Variants in PLEKHA6 observed in about 807,000 individuals in gnomAD.
PLEKHA6 encodes pleckstrin homology domain containing A6.
PLEKHA6 carries 60 observed loss-of-function variants against 116.7 expected under a neutral mutation model. The ratio of observed to expected loss-of-function variants is 0.51; its 90% CI spans 0.42 to 0.64. PLEKHA6 has a LOEUF of 0.64. PLEKHA6 is among the 30% of genes least tolerant of loss of function. PLEKHA6 has a pLI of 0.00. For missense variants in PLEKHA6, 1,338 were observed against 1,422.7 expected, an observed-to-expected ratio of 0.94 and a Z score of 0.96; for synonymous variants, 489 against 556.1, an observed-to-expected ratio of 0.88 and a Z score of 1.70.
At chr1:204,349,623 T>A (rs1673208365) in intron 1 of PLEKHA6, among the ~76,000 whole-genome samples, 1 of 150,302 alleles carries the variant, frequency 6.7e-6, no homozygotes, top group Admixed American at 6.6e-5. Context: ...GGCGTTAGGG[T>A]GGGCTGTGGA....
At chr1:204,291,185 T>G (rs1669718260) in intron 1 of PLEKHA6, among the ~76,000 whole-genome samples, 1 of 152,098 alleles carries the variant, frequency 6.6e-6, no homozygotes, top group Admixed American at 6.6e-5. Context: ...AAAACATCAT[T>G]AGCCATTAGA....
chr1:204,339,522 G>A (rs1672773672), intron 1 of PLEKHA6, among the ~76,000 whole-genome samples: 1 of 152,176 alleles, frequency 6.6e-6, no homozygotes, highest in African/African-American at 2.4e-5. Flanking sequence ...AGGGAGAGGA[G>A]GGAATCAGTT....
chr1:204,254,762 G>GTTA (rs1228443523), intron 9 of PLEKHA6, among the ~76,000 whole-genome samples: 2 of 152,086 alleles, frequency 1.3e-5, no homozygotes, highest in Non-Finnish European at 2.9e-5. Context: ...TGTAGCTGTT[G>GTTA]TTATTATTAT....
intron 1 of PLEKHA6, among the ~76,000 whole-genome samples, chr1:204,354,398 C>T (rs1466790422): frequency 6.6e-6 from 1 of 152,202 alleles, no homozygotes; most frequent in African/African-American, 2.4e-5. Context: ...GAGGACTTGA[C>T]AGTATCCCTG....
chr1:204,228,137 C>T lies in PLEKHA6; in HGVS notation c.2977G>A (p.Glu993Lys), dbSNP rs753882480. 1 of 1,613,416 alleles carries T rather than the reference C, an allele frequency of 6.2e-7. No individual in the cohort carries two copies. Among genetic ancestry groups the T allele is most frequent in the South Asian group, 1.1e-5 (1 of 90,998 alleles). Residue 993 changes from glutamate (E) to lysine (K), a missense_variant, in exon 21 of 23, where the codon GAA (glutamate) becomes AAA (lysine). Glu to Lys is a moderately conservative substitution (Grantham distance 56). Around this residue, in one of 3 missense-constraint regions of PLEKHA6, gnomAD observed 1,136 missense variants for 1,163.6 expected, o/e 0.98. Transcript: ENST00000272203. This position sits in a 1 kb window ranked among gnomAD's most constrained non-coding sequence, Gnocchi z 4.0. ...TCGGTCGCCAGGGCGCAGGAGATTT[C>T]AATCCGCTTCTCCTGCTCCTGCAGC... ...SQLQEQEKRI[E>K]ISCALATEAS...
intron 1 of PLEKHA6, chr1:204,280,883 C>T: frequency 3.2e-6 from 1 of 308,894 alleles, no homozygotes; most frequent in African/African-American, 2.2e-5. Flanking sequence ...CCTGCCATTT[C>T]CAGGAGAAAA....
At chr1:204,359,368 G>C (rs1411767421) in intron 1 of PLEKHA6, among the ~76,000 whole-genome samples, 1 of 152,122 alleles carries the variant, frequency 6.6e-6, no homozygotes, top group Non-Finnish European at 1.5e-5. Context: ...TAGCTTGCGT[G>C]GGGGACCCCT....
chr1:204,293,309 A>G (rs1262694856), intron 1 of PLEKHA6, among the ~76,000 whole-genome samples: 3 of 151,828 alleles, frequency 2.0e-5, no homozygotes, highest in African/African-American at 7.3e-5. Flanking sequence ...TAATTTTTGT[A>G]TTTTCAGTAG....
At chr1:204,231,922 C>G (rs1001323628) in intron 17 of PLEKHA6, among the ~76,000 whole-genome samples, 2 of 151,776 alleles carry the variant, frequency 1.3e-5, no homozygotes, top group African/African-American at 4.8e-5. Flanking sequence ...GTATTTTTCC[C>G]CTGAATATTT....
intron 1 of PLEKHA6, among the ~76,000 whole-genome samples, chr1:204,343,849 G>C (rs948399174): frequency 6.6e-6 from 1 of 152,212 alleles, no homozygotes; most frequent in Non-Finnish European, 1.5e-5. Flanking sequence ...GAGATTCTCA[G>C]TCCCTCCCCT....
intron 2 of PLEKHA6, among the ~76,000 whole-genome samples, chr1:204,274,317 A>G (rs78226562): frequency 6.6e-6 from 1 of 152,196 alleles, no homozygotes; most frequent in Non-Finnish European, 1.5e-5. Flanking sequence ...TTAGTGGCCT[A>G]TGAGAGTAGA....
intron 3 of PLEKHA6, among the ~76,000 whole-genome samples, chr1:204,269,592 C>T (rs1667240080): frequency 6.6e-6 from 1 of 151,786 alleles, no homozygotes; most frequent in South Asian, 2.1e-4. Flanking sequence ...CTCTGTCCTC[C>T]CGACAATGGA....
intron 1 of PLEKHA6, among the ~76,000 whole-genome samples, chr1:204,288,529 G>A (rs1194070261): frequency 6.6e-6 from 1 of 152,190 alleles, no homozygotes. Flanking sequence ...GAGGAACTGG[G>A]ATCTGGGGGA....
At chr1:204,244,773 A>G in intron 15 of PLEKHA6, 91 bp downstream of exon 15, 2 of 995,608 alleles carry the variant, frequency 2.0e-6, no homozygotes, top group Non-Finnish European at 2.8e-6. Context: ...GCCTGTGGGG[A>G]AGAGATGGGC....
chr1:204,337,819 C>T (rs112795144), intron 1 of PLEKHA6, among the ~76,000 whole-genome samples: 6,921 of 152,248 alleles, frequency 0.045, 170 homozygotes, highest in African/African-American at 0.054. Context: ...TGGTGAACAA[C>T]GCACACACCC....
chr1:204,363,858 C>A (rs143709927), upstream of PLEKHA6, among the ~76,000 whole-genome samples: 2 of 152,000 alleles, frequency 1.3e-5, no homozygotes, highest in Admixed American at 1.3e-4. Flanking sequence ...TGGATTCTTG[C>A]GGTAAGTGCA....
Position 204,259,912 on chromosome 1 carries a change from G to A in PLEKHA6, c.525-172C>T, listed in dbSNP as rs979718550. ...CTAAGTCCCACCCCTTCACCTTCTC[G>A]CTCCAGCCTGGGAAATTATTATACA... On this transcript the variant is annotated intron_variant, in intron 7 of 22. Transcript: ENST00000272203. The surrounding 1 kb of genome is among the most constrained non-coding windows in gnomAD (Gnocchi z 4.6). Among the ~76,000 whole-genome samples the A allele has an allele frequency of 1.3e-5, 2 of 152,030 alleles. No individual in the cohort carries two copies. The highest frequency in any genetic ancestry group is 2.9e-5 in the Non-Finnish European group (2 of 68,000).
At position 204,359,695 on chromosome 1, in the gene PLEKHA6, G is replaced by T; in HGVS notation, c.-96C>A. On this transcript the variant is annotated splice_region_variant and 5_prime_UTR_variant, in exon 1 of 23. Transcript: ENST00000272203. ...TGTGATGCATGAAAACAGACTCACC[G>T]GCTTCTGAGGTGTGATCCCCGCGCT... 3 of 977,194 alleles carry T rather than the reference G, an allele frequency of 3.1e-6. No individual in the cohort carries two copies. Among genetic ancestry groups the T allele is most frequent in the Non-Finnish European group, 3.6e-6 (3 of 822,456 alleles). 60.5% of individuals were successfully genotyped at this position (977,194 alleles called of 1,614,324 possible). A position where few individuals can be genotyped will look rare whatever the true frequency, so the allele number is the denominator to read the frequency against.
intron 21 of PLEKHA6, among the ~76,000 whole-genome samples, chr1:204,225,242 T>G (rs757298476): frequency 6.6e-6 from 1 of 152,244 alleles, no homozygotes; most frequent in Non-Finnish European, 1.5e-5. Flanking sequence ...AGGGCATTCC[T>G]TTAACAGAGA....
Sources: gnomAD v4.1 joint callset for allele counts (sites outside exome capture counted in the v4.1 genomes callset) on GRCh38, gnomAD v4.1.1 for gene constraint, gnomAD v4.1.1 regional missense constraint, Gnocchi (gnomAD v3.1) non-coding constraint, MANE v1.5 for transcripts, NCBI Gene and HGNC (gene_info 2026-07-23, HGNC 2026-07-21) for gene names.